The following EYS variants were observed in gnomAD, a reference collection of about 807,000 sequenced individuals.
The protein encoded by EYS is EGF-like photoreceptor maintenance factor.
EYS carries 250 observed loss-of-function variants against 282.1 expected under a neutral mutation model. That is an observed-to-expected ratio of 0.89 (90% CI 0.80 to 0.98). EYS has a LOEUF of 0.98. EYS is among the 50% of genes least tolerant of loss of function. The pLI is 0.00. For synonymous variants in EYS, 1,355 were observed against 1,282.9 expected (o/e 1.06, Z -1.20); for missense variants, 4,016 against 3,709.0 (o/e 1.08, Z -2.15).
At chr6:64,958,898 A>G (rs570345002) in intron 14 of EYS, among the ~76,000 whole-genome samples, 1 of 152,266 alleles carries the variant, frequency 6.6e-6, no homozygotes, top group East Asian at 1.9e-4. Context: ...ACACACAATC[A>G]TTGGAGTGTA....
chr6:64,704,870 AG>A (rs1562145212), intron 22 of EYS, among the ~76,000 whole-genome samples: 1 of 152,162 alleles, frequency 6.6e-6, no homozygotes. Flanking sequence ...CAGCCAAAAT[AG>A]TACTGAACGG....
chr6:65,425,982 T>C (rs1415243291), intron 5 of EYS, among the ~76,000 whole-genome samples: 1 of 152,076 alleles, frequency 6.6e-6, no homozygotes, highest in Non-Finnish European at 1.5e-5. Flanking sequence ...AAGAATTCCA[T>C]TTTAAGTTTT....
At chr6:65,629,917 C>T (rs1582542012) in intron 2 of EYS, among the ~76,000 whole-genome samples, 1 of 152,138 alleles carries the variant, frequency 6.6e-6, no homozygotes, top group East Asian at 1.9e-4. Context: ...CCTGCACAGC[C>T]TCCAGAGAAG....
chr6:64,267,945 CT>C (rs1304875152), intron 30 of EYS, among the ~76,000 whole-genome samples: 2 of 151,954 alleles, frequency 1.3e-5, no homozygotes, highest in South Asian at 2.1e-4. Flanking sequence ...AACTGACACC[CT>C]TTTTTTGAAA....
chr6:64,092,084 T>C (rs936924483), intron 31 of EYS, among the ~76,000 whole-genome samples: 5 of 152,228 alleles, frequency 3.3e-5, no homozygotes, highest in Non-Finnish European at 4.4e-5. Flanking sequence ...CATGAACTTA[T>C]CATTTTTTAT....
intron 2 of EYS, among the ~76,000 whole-genome samples, chr6:65,619,788 C>G (rs1311467603): frequency 1.4e-4 from 21 of 150,444 alleles, no homozygotes; most frequent in African/African-American, 4.9e-4. Flanking sequence ...TGTCAAAGGC[C>G]TTTTCTGCAT....
At chr6:64,245,561 TA>T (rs1438736605) in intron 30 of EYS, among the ~76,000 whole-genome samples, 2 of 152,146 alleles carry the variant, frequency 1.3e-5, no homozygotes, top group African/African-American at 4.8e-5. Flanking sequence ...AGCATAACTT[TA>T]AAAAAATTCT....
At chr6:64,456,054 C>T (rs1457571790) in intron 26 of EYS, among the ~76,000 whole-genome samples, 1 of 151,864 alleles carries the variant, frequency 6.6e-6, no homozygotes, top group East Asian at 1.9e-4. Flanking sequence ...ATTGACATTG[C>T]CTTTGAATTT....
chr6:64,969,538 A>G (rs769198898), intron 14 of EYS, among the ~76,000 whole-genome samples: 6 of 152,152 alleles, frequency 3.9e-5, no homozygotes, highest in Non-Finnish European at 7.4e-5. Flanking sequence ...ACAGATCTGT[A>G]AAAAATGAGG....
intron 9 of EYS, among the ~76,000 whole-genome samples, chr6:65,351,044 TAAG>T (rs1467307704): frequency 8.7e-4 from 132 of 151,708 alleles, no homozygotes; most frequent in African/African-American, 3.1e-3. Context: ...TCAAAAGAAA[TAAG>T]AAGGAATTTT....
chr6:65,635,847 G>A lies in EYS; in HGVS notation c.-333+3931C>T, dbSNP rs1002165541. On this transcript the variant is annotated intron_variant, in intron 2 of 42. Transcript: ENST00000503581. ...TCCACATGGAAGCAACTCCGCTTAA[G>A]AGGATAGCTGTGCCCTCCTACAATT... Among the ~76,000 whole-genome samples the A allele has an allele frequency of 3.9e-5, 6 of 152,154 alleles. No homozygotes were observed. In the East Asian group the frequency reaches 9.6e-4, roughly 24 times the overall value.
chr6:63,738,952 A>G (rs1769002419), intron 41 of EYS, among the ~76,000 whole-genome samples: 1 of 152,108 alleles, frequency 6.6e-6, no homozygotes. Context: ...CTGATTATCT[A>G]CTTACATCAT....
intron 22 of EYS, among the ~76,000 whole-genome samples, chr6:64,718,965 C>T (rs1397662630): frequency 1.3e-5 from 2 of 152,120 alleles, no homozygotes; most frequent in African/African-American, 4.8e-5. Flanking sequence ...TCCTGGATGA[C>T]CCAGGTAGGC....
chr6:64,716,856 G>C (rs1771417667), intron 22 of EYS, among the ~76,000 whole-genome samples: 2 of 152,106 alleles, frequency 1.3e-5, no homozygotes, highest in South Asian at 4.1e-4. Flanking sequence ...AAGGTTTCAT[G>C]CCTTTGTTGG....
At chr6:65,449,878 C>A in intron 5 of EYS, among the ~76,000 whole-genome samples, 1 of 151,974 alleles carries the variant, frequency 6.6e-6, no homozygotes, top group East Asian at 1.9e-4. Flanking sequence ...ATTACAACCT[C>A]TCTAGGACCT....
In EYS at chr6:65,194,767, C is replaced by G. The variant is rs150690847; in HGVS notation, c.2023+101096G>C. 1.9e-3 allele frequency among the ~76,000 whole-genome samples: 296 copies of G among 151,818 alleles called. 9 individuals are homozygous for G. In the East Asian group the frequency reaches 0.048, roughly 25 times the overall value. ...TCCAGACCCAGGGAATTGAGGAGAA[C>G]AAGTGACCCGGGTCCAATCTCCTCA... On this transcript the variant is annotated intron_variant, in intron 12 of 42. Coordinates refer to ENST00000503581, the MANE Select transcript of EYS (RefSeq NM_001142800.2).
chr6:64,627,875 C>T (rs1239285268), intron 22 of EYS, among the ~76,000 whole-genome samples: 3 of 152,054 alleles, frequency 2.0e-5, no homozygotes, highest in African/African-American at 4.8e-5. Context: ...GTCAGGAGAT[C>T]GAGACCATCC....
intron 28 of EYS, among the ~76,000 whole-genome samples, chr6:64,425,506 T>C (rs1774374098): frequency 1.3e-5 from 2 of 151,644 alleles, no homozygotes; most frequent in Non-Finnish European, 2.9e-5. Context: ...AATCCAAAAT[T>C]AGCCGGGTGT....
chr6:63,776,374 C>G (rs1380215089), intron 40 of EYS, among the ~76,000 whole-genome samples: 3 of 151,998 alleles, frequency 2.0e-5, no homozygotes, highest in African/African-American at 7.2e-5. Flanking sequence ...AGAATCTTGA[C>G]CCTCGAAATG....
Sources: allele counts gnomAD v4.1 joint callset (sites outside exome capture counted in the v4.1 genomes callset), GRCh38; gene constraint gnomAD v4.1.1; transcripts MANE v1.5; gene names NCBI Gene and HGNC (gene_info 2026-07-23, HGNC 2026-07-21).